Variants in CSMD1 observed in about 807,000 individuals in gnomAD.
CSMD1 encodes CUB and sushi domain-containing protein 1.
A neutral mutation model predicts 417.5 loss-of-function variants in CSMD1; 213 were observed. The observed-to-expected ratio is 0.51, with a 90% confidence interval of 0.46 to 0.57. The LOEUF (loss-of-function observed/expected upper bound fraction) is 0.57. Among genes scored for constraint, CSMD1 ranks in the 20% least tolerant of loss-of-function variants. The probability of loss-of-function intolerance (pLI) is 0.00; values close to 1 mark genes in which losing one functional copy is unlikely to be tolerated. For missense variants in CSMD1, 6,923 were observed against 4,529.7 expected, an observed-to-expected ratio of 1.53 and a Z score of -15.17; for synonymous variants, 2,862 against 1,736.8, an observed-to-expected ratio of 1.65 and a Z score of -16.11.
chr8:4,906,101 A>C (rs566935743), intron 1 of CSMD1, among the ~76,000 whole-genome samples: 1 of 152,260 alleles, frequency 6.6e-6, no homozygotes, highest in Non-Finnish European at 1.5e-5. Flanking sequence ...TAATCAAATT[A>C]TCCTTGTATG....
chr8:3,266,897 T>G (rs530861059), intron 26 of CSMD1, among the ~76,000 whole-genome samples: 9 of 151,950 alleles, frequency 5.9e-5, no homozygotes, highest in African/African-American at 2.2e-4. Flanking sequence ...CAAAACCAGC[T>G]GGGTTGTGGA....
chr8:3,215,415 C>A (rs546637043), intron 29 of CSMD1, among the ~76,000 whole-genome samples: 1 of 152,146 alleles, frequency 6.6e-6, no homozygotes, highest in Non-Finnish European at 1.5e-5. Flanking sequence ...TCATTATGTA[C>A]CAGACATGGA....
intron 13 of CSMD1, among the ~76,000 whole-genome samples, chr8:3,408,618 T>A (rs887752534): frequency 3.8e-4 from 58 of 152,270 alleles, no homozygotes; most frequent in African/African-American, 1.4e-3. Context: ...TCATAACTTT[T>A]AAATTTATAT....
intron 3 of CSMD1, among the ~76,000 whole-genome samples, chr8:4,163,048 G>A (rs939286485): frequency 6.6e-6 from 1 of 152,150 alleles, no homozygotes; most frequent in Non-Finnish European, 1.5e-5. Flanking sequence ...TTCACTCTAT[G>A]TCTTTGCATG....
At chr8:3,046,177 G>A (rs918125973) in intron 50 of CSMD1, among the ~76,000 whole-genome samples, 7 of 152,188 alleles carry the variant, frequency 4.6e-5, no homozygotes, top group African/African-American at 1.7e-4. Context: ...AAGTCAGTCT[G>A]GCTGTTGTTT....
At chr8:3,241,372 A>G (rs139746384) in intron 26 of CSMD1, among the ~76,000 whole-genome samples, 10,174 of 151,702 alleles carry the variant, frequency 0.067, 432 homozygotes, top group Admixed American at 0.13. Flanking sequence ...GGTAGCCTCC[A>G]TATTGATTAA....
At chr8:4,261,514 T>C (rs988253709) in intron 3 of CSMD1, among the ~76,000 whole-genome samples, 18 of 152,208 alleles carry the variant, frequency 1.2e-4, no homozygotes, top group African/African-American at 4.1e-4. Context: ...CTAGTAATAC[T>C]GTTATTATAT....
At chr8:3,115,661 G>T (rs1294776609) in intron 42 of CSMD1, among the ~76,000 whole-genome samples, 1 of 152,108 alleles carries the variant, frequency 6.6e-6, no homozygotes, top group African/African-American at 2.4e-5. Context: ...CAGTTTTTCA[G>T]ATAAATTTAT....
intron 3 of CSMD1, among the ~76,000 whole-genome samples, chr8:4,349,026 G>A (rs6558868): frequency 0.54 from 82,105 of 152,018 alleles, 24,375 homozygotes; most frequent in African/African-American, 0.81. Context: ...CACACAAGCC[G>A]AAATCTTACA....
At chr8:3,699,924 A>G (rs1800759663) in intron 7 of CSMD1, among the ~76,000 whole-genome samples, 2 of 151,286 alleles carry the variant, frequency 1.3e-5, no homozygotes, top group African/African-American at 4.8e-5. Flanking sequence ...TCCCTGGGTT[A>G]TATCCCATAA....
In CSMD1 at chr8:3,018,529, G is replaced by C. The variant is rs1809061779; in HGVS notation, c.7977C>G (p.Val2659=). The C allele has an allele frequency of 6.2e-7, 1 of 1,613,808 alleles. No individual in the cohort carries two copies. The highest frequency in any genetic ancestry group is 8.5e-7 in the Non-Finnish European group (1 of 1,179,826). The stretch of plus-strand genomic sequence containing the variant: ...AGAGCCCATTTGCCAAGCACTCTCT[G>C]ACATGAGACCCCACAAGCGTGTAGC... The part of the protein sequence containing the change: ...NTGYTLVGSH[V]RECLANGLWS... Residue 2659 remains valine (V), a synonymous_variant, in exon 52 of 70, where the codon GTC becomes GTG. Coordinates refer to ENST00000635120, the MANE Select transcript of CSMD1 (RefSeq NM_033225.6).
intron 7 of CSMD1, among the ~76,000 whole-genome samples, chr8:3,665,179 A>C (rs1045908643): frequency 2.2e-4 from 34 of 152,186 alleles, no homozygotes; most frequent in African/African-American, 7.0e-4. Flanking sequence ...TACTGGAACA[A>C]TATTAGGTAT....
chr8:4,014,858 A>G (rs1211779652), intron 4 of CSMD1, among the ~76,000 whole-genome samples: 1 of 152,178 alleles, frequency 6.6e-6, no homozygotes, highest in Non-Finnish European at 1.5e-5. Flanking sequence ...AATTTTAGAA[A>G]TACTACAAAG....
intron 12 of CSMD1, among the ~76,000 whole-genome samples, chr8:3,450,165 C>T (rs1303981579): frequency 2.6e-5 from 4 of 152,298 alleles, no homozygotes; most frequent in Middle Eastern, 3.4e-3. Flanking sequence ...CTGTGGGTCT[C>T]TTACACTCAG....
intron 5 of CSMD1, among the ~76,000 whole-genome samples, chr8:3,903,265 G>A (rs776133924): frequency 6.6e-6 from 1 of 151,904 alleles, no homozygotes; most frequent in African/African-American, 2.4e-5. Flanking sequence ...GTCAGAACTG[G>A]TTTTCTTGCC....
intron 23 of CSMD1, among the ~76,000 whole-genome samples, chr8:3,317,109 G>C (rs1805824063): frequency 6.6e-6 from 1 of 152,120 alleles, no homozygotes; most frequent in Non-Finnish European, 1.5e-5. Context: ...GAGGACACCA[G>C]AGAAAAATGC....
intron 41 of CSMD1, among the ~76,000 whole-genome samples, chr8:3,123,851 T>A (rs1221149341): frequency 6.6e-6 from 1 of 151,744 alleles, no homozygotes; most frequent in Non-Finnish European, 1.5e-5. Flanking sequence ...AACACAGGAG[T>A]GTTAATAGTA....
Position 3,090,584 on chromosome 8 carries a change from A to G in CSMD1, c.7285+932T>C, listed in dbSNP as rs76498530. Among the ~76,000 whole-genome samples the G allele has an allele frequency of 9.6e-3, 1,468 of 152,210 alleles. 26 individuals are homozygous for G. The highest frequency in any genetic ancestry group is 0.033 in the African/African-American group (1,389 of 41,520). ...TTATTCTTACAACTGCTGTTTTAAC[A>G]CTGTTTCCTGGTTTTCCCTTTGGAC... On this transcript the variant is annotated intron_variant, in intron 48 of 69. Transcript: ENST00000635120.
chr8:4,700,476 T>A (rs1807452469), intron 1 of CSMD1, among the ~76,000 whole-genome samples: 1 of 152,096 alleles, frequency 6.6e-6, no homozygotes, highest in South Asian at 2.1e-4. Flanking sequence ...TGCATATTCT[T>A]TAAATTTAAA....
Sources: gnomAD v4.1 joint callset for allele counts (sites outside exome capture counted in the v4.1 genomes callset) on GRCh38, gnomAD v4.1.1 for gene constraint, MANE v1.5 for transcripts, NCBI Gene and HGNC (gene_info 2026-07-23, HGNC 2026-07-21) for gene names.